The following EXOC6B variants were observed in gnomAD, a reference collection of about 807,000 sequenced individuals.
EXOC6B encodes the protein SEC15 homolog B.
In EXOC6B, 54 loss-of-function variants were observed where a neutral mutation model predicts 113.5. The observed-to-expected ratio is 0.48, with a 90% CI of 0.38 to 0.60. EXOC6B has a LOEUF of 0.60. Ranked by LOEUF, EXOC6B falls within the 20% of genes least tolerant of loss-of-function variation. The probability of loss-of-function intolerance (pLI) is 0.00; values close to 1 mark genes in which losing one functional copy is unlikely to be tolerated. For missense variants in EXOC6B, 797 were observed against 977.5 expected, an observed-to-expected ratio of 0.82 and a Z score of 2.46; for synonymous variants, 357 against 339.0, an observed-to-expected ratio of 1.05 and a Z score of -0.58.
intron 20 of EXOC6B, among the ~76,000 whole-genome samples, chr2:72,261,657 C>A (rs1683723563): frequency 6.6e-6 from 1 of 152,130 alleles, no homozygotes; most frequent in Non-Finnish European, 1.5e-5. Flanking sequence ...CCTTTAACTT[C>A]CAATCACAGG....
chr2:72,780,970 A>C (rs1015059790), intron 1 of EXOC6B, among the ~76,000 whole-genome samples: 6 of 152,078 alleles, frequency 3.9e-5, no homozygotes, highest in Non-Finnish European at 5.9e-5. Flanking sequence ...TTTTATTTTT[A>C]TTTTGTGCTT....
chr2:72,648,865 C>T (rs958067346), intron 6 of EXOC6B, among the ~76,000 whole-genome samples: 1 of 152,080 alleles, frequency 6.6e-6, no homozygotes, highest in African/African-American at 2.4e-5. Context: ...TAACTGAGGC[C>T]AGGTGTGCTG....
intron 20 of EXOC6B, among the ~76,000 whole-genome samples, chr2:72,300,022 G>T (rs1686408073): frequency 6.6e-6 from 1 of 152,186 alleles, no homozygotes; most frequent in Non-Finnish European, 1.5e-5. Flanking sequence ...TGATGAGGCA[G>T]TCTGTCCCTT....
chr2:72,559,871 G>A (rs17561305), intron 7 of EXOC6B, among the ~76,000 whole-genome samples: 3,430 of 152,182 alleles, frequency 0.023, 41 homozygotes, highest in Non-Finnish European at 0.032. Flanking sequence ...CTTTCATGAC[G>A]ACTTTGATTT....
intron 20 of EXOC6B, among the ~76,000 whole-genome samples, chr2:72,219,776 C>T (rs1680756381): frequency 6.6e-6 from 1 of 152,278 alleles, no homozygotes; most frequent in African/African-American, 2.4e-5. Flanking sequence ...TTATAACTAT[C>T]ATTATAGCAC....
chr2:72,478,722 A>G (rs1698895563), intron 17 of EXOC6B, among the ~76,000 whole-genome samples: 1 of 152,236 alleles, frequency 6.6e-6, no homozygotes, highest in Admixed American at 6.5e-5. Flanking sequence ...ATTTCTGAAC[A>G]TAAGTTGAAA....
intron 1 of EXOC6B, among the ~76,000 whole-genome samples, chr2:72,747,756 T>G (rs1681794293): frequency 6.6e-6 from 1 of 152,088 alleles, no homozygotes; most frequent in Non-Finnish European, 1.5e-5. Context: ...TTGCTTCTAG[T>G]TTAGTTAAGA....
intron 19 of EXOC6B, among the ~76,000 whole-genome samples, chr2:72,349,226 G>C (rs1030024203): frequency 6.6e-6 from 1 of 152,150 alleles, no homozygotes; most frequent in Non-Finnish European, 1.5e-5. Flanking sequence ...ATATAATAAG[G>C]AATATATCTG....
chr2:72,667,167 A>G (rs1010723669), intron 6 of EXOC6B, among the ~76,000 whole-genome samples: 3 of 152,150 alleles, frequency 2.0e-5, no homozygotes, highest in Non-Finnish European at 2.9e-5. Flanking sequence ...CCGACCAAGC[A>G]GAAAGATTTC....
At chr2:72,758,362 A>T (rs1186674948) in intron 1 of EXOC6B, among the ~76,000 whole-genome samples, 2 of 151,990 alleles carry the variant, frequency 1.3e-5, no homozygotes. Flanking sequence ...TCTCTGTTCT[A>T]TTACTAAATA....
chr2:72,623,180 TA>T (rs142105367), intron 6 of EXOC6B, among the ~76,000 whole-genome samples: 3 of 152,048 alleles, frequency 2.0e-5, no homozygotes, highest in African/African-American at 7.2e-5. Context: ...AAAAATCCAT[TA>T]AAAAAATTAT....
chr2:72,797,279 A>G (rs1349974214), intron 1 of EXOC6B, among the ~76,000 whole-genome samples: 1 of 152,248 alleles, frequency 6.6e-6, no homozygotes, highest in Non-Finnish European at 1.5e-5. Context: ...AGTTTTTGCT[A>G]TATCTCTGCC....
At chr2:72,694,814 T>C (rs1156933060) in intron 6 of EXOC6B, among the ~76,000 whole-genome samples, 1 of 152,216 alleles carries the variant, frequency 6.6e-6, no homozygotes, top group Non-Finnish European at 1.5e-5. Context: ...AGCCCTTCCA[T>C]TTGTAGCAAG....
chr2:72,431,064 C>T (rs1407738488), intron 18 of EXOC6B, among the ~76,000 whole-genome samples: 1 of 152,144 alleles, frequency 6.6e-6, no homozygotes, highest in East Asian at 1.9e-4. Flanking sequence ...GTTATTATTA[C>T]TTTAATCATA....
intron 6 of EXOC6B, among the ~76,000 whole-genome samples, chr2:72,705,156 A>G (rs1236594002): frequency 6.6e-6 from 1 of 151,916 alleles, no homozygotes; most frequent in African/African-American, 2.4e-5. Context: ...CATCCCTGGG[A>G]TGCAAGGCTG....
intron 6 of EXOC6B, among the ~76,000 whole-genome samples, chr2:72,693,000 G>A (rs1414424228): frequency 1.3e-5 from 2 of 152,130 alleles, no homozygotes; most frequent in Non-Finnish European, 1.5e-5. Context: ...CAAAAATATG[G>A]TTTAGAAATA....
chr2:72,190,561 C>G (rs1678762393), intron 20 of EXOC6B, among the ~76,000 whole-genome samples: 1 of 152,200 alleles, frequency 6.6e-6, no homozygotes, highest in South Asian at 2.1e-4. Context: ...CTCCCCACTT[C>G]TTTCTACATA....
At chr2:72,425,987 T>C (rs1179177591) in intron 18 of EXOC6B, among the ~76,000 whole-genome samples, 1 of 152,210 alleles carries the variant, frequency 6.6e-6, no homozygotes, top group Non-Finnish European at 1.5e-5. Context: ...TTTTAGTCTT[T>C]ATTACGTTTT....
intron 6 of EXOC6B, among the ~76,000 whole-genome samples, chr2:72,629,950 A>G (rs1672286564): frequency 6.6e-6 from 1 of 152,172 alleles, no homozygotes. Flanking sequence ...CCTGGGTTAG[A>G]TATTCCTCTT....
Sources: gnomAD v4.1 joint callset for allele counts (sites outside exome capture counted in the v4.1 genomes callset) on GRCh38, gnomAD v4.1.1 for gene constraint, MANE v1.5 for transcripts, NCBI Gene and HGNC (gene_info 2026-07-23, HGNC 2026-07-21) for gene names.